STXBP3: variants seen among roughly 807,000 people sequenced by gnomAD.
STXBP3 encodes the protein syntaxin binding protein 3.
Under a neutral mutation model 85.7 loss-of-function variants are expected in STXBP3, and 41 were observed. The ratio of observed to expected loss-of-function variants is 0.48; its 90% CI spans 0.37 to 0.62. The LOEUF (loss-of-function observed/expected upper bound fraction) is 0.62, where lower values mean the gene tolerates loss of function less well. STXBP3 is among the 20% of genes least tolerant of loss of function. The pLI, the probability that STXBP3 is intolerant of heterozygous loss-of-function variation, is 0.00. For synonymous variants in STXBP3, 229 were observed against 231.7 expected (o/e 0.99, Z 0.10); for missense variants, 563 against 703.1 (o/e 0.80, Z 2.25).
chr1:108,746,898 G>T, intron 1 of STXBP3, 112 bp downstream of exon 1: 1 of 1,063,570 alleles, frequency 9.4e-7, no homozygotes, highest in Non-Finnish European at 1.4e-6. Flanking sequence ...GCGAGCACTT[G>T]TTGCTTTGGG....
chr1:108,791,606 C>T (rs538817813), intron 11 of STXBP3, among the ~76,000 whole-genome samples: 1 of 151,926 alleles, frequency 6.6e-6, no homozygotes, highest in East Asian at 1.9e-4. Flanking sequence ...CTACTTCTGT[C>T]TTCTGTTGTA....
chr1:108,787,216 C>G (rs764859630), intron 11 of STXBP3, among the ~76,000 whole-genome samples: 2 of 152,118 alleles, frequency 1.3e-5, no homozygotes, highest in African/African-American at 2.4e-5. Flanking sequence ...GCAATCCCCC[C>G]ACCCTTGCCT....
At chr1:108,763,494 G>A (rs1340418182) in intron 6 of STXBP3, among the ~76,000 whole-genome samples, 2 of 152,084 alleles carry the variant, frequency 1.3e-5, no homozygotes, top group Admixed American at 6.5e-5. Flanking sequence ...CCAAAAATAC[G>A]AAAAACAGAT....
chr1:108,772,405 ATATC>A (rs1377391898), intron 6 of STXBP3, among the ~76,000 whole-genome samples: 4 of 44,772 alleles, frequency 8.9e-5, no homozygotes, highest in South Asian at 1.0e-3. Context: ...AATACATATG[ATATC>A]TATCTGTATA....
chr1:108,786,018 G>A (rs1348588312), intron 11 of STXBP3, among the ~76,000 whole-genome samples: 1 of 152,164 alleles, frequency 6.6e-6, no homozygotes, highest in East Asian at 1.9e-4. Flanking sequence ...ACCTCTGCCT[G>A]TTACCCAGTT....
intron 6 of STXBP3, among the ~76,000 whole-genome samples, chr1:108,763,895 T>C (rs1662202731): frequency 6.6e-6 from 1 of 152,144 alleles, no homozygotes; most frequent in African/African-American, 2.4e-5. Context: ...ACTTTTTTTG[T>C]TAACTTTTAG....
intron 17 of STXBP3, among the ~76,000 whole-genome samples, chr1:108,804,507 A>G (rs935306952): frequency 6.6e-6 from 1 of 152,102 alleles, no homozygotes; most frequent in Non-Finnish European, 1.5e-5. Flanking sequence ...TTTGGGTTCA[A>G]TTCTGTTGCC....
chr1:108,808,570 C>T (rs889174739), intron 18 of STXBP3, among the ~76,000 whole-genome samples: 22 of 152,098 alleles, frequency 1.4e-4, no homozygotes, highest in African/African-American at 4.1e-4. Flanking sequence ...TAGGAATGGC[C>T]GCTGTTTCTG....
chr1:108,796,454 A>G, intron 14 of STXBP3, 82 bp downstream of exon 14: 1 of 1,230,462 alleles, frequency 8.1e-7, no homozygotes, highest in East Asian at 2.5e-5. Context: ...TAGTTGCTGA[A>G]CTTGGTTAAG....
intron 12 of STXBP3, among the ~76,000 whole-genome samples, chr1:108,794,364 T>A (rs6675862): frequency 0.38 from 57,672 of 151,950 alleles, 11,368 homozygotes; most frequent in Middle Eastern, 0.48. Flanking sequence ...CAGATCTACA[T>A]GGCTGGGAAG....
chr1:108,807,243 G>A (rs969299016), intron 17 of STXBP3, among the ~76,000 whole-genome samples, 158 bp from the exon 18 acceptor site: 16 of 133,096 alleles, frequency 1.2e-4, no homozygotes, highest in African/African-American at 4.1e-4. Context: ...GGGCTACAAA[G>A]TGAGACTCCA....
chr1:108,766,019 A>T (rs936982910), intron 6 of STXBP3, among the ~76,000 whole-genome samples: 4 of 151,590 alleles, frequency 2.6e-5, no homozygotes, highest in Non-Finnish European at 5.9e-5. Context: ...AGCCCAGCTG[A>T]TTTTTTGTAT....
intron 11 of STXBP3, among the ~76,000 whole-genome samples, chr1:108,788,620 T>C (rs1662908649): frequency 6.6e-6 from 1 of 152,196 alleles, no homozygotes; most frequent in Admixed American, 6.5e-5. Flanking sequence ...TTCATTAGTT[T>C]TGGGATATCG....
intron 8 of STXBP3, among the ~76,000 whole-genome samples, chr1:108,777,567 G>C (rs575471063): frequency 6.6e-6 from 1 of 152,264 alleles, no homozygotes; most frequent in East Asian, 1.9e-4. Context: ...ATCGTAGATA[G>C]TGAATAAATG....
At chr1:108,769,005 TA>T (rs1392208857) in intron 6 of STXBP3, among the ~76,000 whole-genome samples, 1 of 152,168 alleles carries the variant, frequency 6.6e-6, no homozygotes. Context: ...AAAATTTGTG[TA>T]TAATTTTAAA....
chr1:108,768,793 TC>T (rs1662321407), intron 6 of STXBP3, among the ~76,000 whole-genome samples: 1 of 152,174 alleles, frequency 6.6e-6, no homozygotes, highest in South Asian at 2.1e-4. Context: ...AAGTTGGACA[TC>T]AGCACATTTA....
intron 11 of STXBP3, among the ~76,000 whole-genome samples, chr1:108,792,617 C>G (rs1663000411): frequency 1.3e-5 from 2 of 152,110 alleles, no homozygotes; most frequent in East Asian, 1.9e-4. Flanking sequence ...TATCTTGGGT[C>G]TACTTTTATT....
chr1:108,805,666 G>T (rs1472821083), intron 17 of STXBP3, among the ~76,000 whole-genome samples: 1 of 152,264 alleles, frequency 6.6e-6, no homozygotes, highest in East Asian at 1.9e-4. Flanking sequence ...TTCATGATCC[G>T]CCCACCTCGG....
chr1:108,806,238 A>G (rs924944484), intron 17 of STXBP3, among the ~76,000 whole-genome samples: 8 of 152,182 alleles, frequency 5.3e-5, no homozygotes, highest in South Asian at 2.1e-4. Flanking sequence ...GAAAGGTTCT[A>G]TATTGGCACT....
Sources: allele counts gnomAD v4.1 joint callset (sites outside exome capture counted in the v4.1 genomes callset), GRCh38; gene constraint gnomAD v4.1.1; transcripts MANE v1.5; gene names NCBI Gene and HGNC (gene_info 2026-07-23, HGNC 2026-07-21).